TFAP2B: variants seen among roughly 807,000 people sequenced by gnomAD.
The protein encoded by TFAP2B is transcription factor AP-2-beta.
Under a neutral mutation model 44.3 loss-of-function variants are expected in TFAP2B, and 9 were observed. That is an observed-to-expected ratio of 0.20 (90% confidence interval 0.12 to 0.35). The LOEUF is 0.35. TFAP2B is among the 10% of genes least tolerant of loss of function. The probability of loss-of-function intolerance (pLI) is 1.00; values close to 1 mark genes in which losing one functional copy is unlikely to be tolerated. For synonymous variants in TFAP2B, 270 were observed against 263.8 expected, an observed-to-expected ratio of 1.02 and a Z score of -0.23; for missense variants, 509 against 600.0, an observed-to-expected ratio of 0.85 and a Z score of 1.59.
At chr6:50,839,419 C>T (rs972106877) in intron 5 of TFAP2B, among the ~76,000 whole-genome samples, 3 of 152,222 alleles carry the variant, frequency 2.0e-5, no homozygotes, top group African/African-American at 7.2e-5. Flanking sequence ...GGGATCTGTC[C>T]TTGAACCCCA....
intron 2 of TFAP2B, among the ~76,000 whole-genome samples, chr6:50,826,716 CTT>C (rs1322226125): frequency 6.6e-6 from 1 of 152,058 alleles, no homozygotes; most frequent in Non-Finnish European, 1.5e-5. Context: ...ATGTACACCT[CTT>C]TTCTTCTTCC....
At chr6:50,826,155 C>G (rs1190606319) in intron 2 of TFAP2B, among the ~76,000 whole-genome samples, 1 of 152,182 alleles carries the variant, frequency 6.6e-6, no homozygotes, top group African/African-American at 2.4e-5. Context: ...CTACAGCTAT[C>G]GAATGGGTGG....
chr6:50,828,686 A>T lies in TFAP2B; in HGVS notation c.601+7A>T. On this transcript the variant is annotated splice_region_variant and intron_variant, in intron 3 of 6. Coordinates refer to ENST00000393655, the MANE Select transcript of TFAP2B (RefSeq NM_003221.4). ...CAGTCTGTCATTAAAAAAGGTATGGATAATTCCCCCCAAAAAGTAAGCAAA... is the reference window on the plus strand; with the variant it reads ...CAGTCTGTCATTAAAAAAGGTATGGTTAATTCCCCCCAAAAAGTAAGCAAA... The T allele has an allele frequency of 6.2e-7, 1 of 1,614,036 alleles. No individual in the cohort carries two copies. The highest frequency in any genetic ancestry group is 1.3e-5 in the African/African-American group (1 of 75,050).
intron 1 of TFAP2B, among the ~76,000 whole-genome samples, chr6:50,822,587 C>G (rs1017736663): frequency 6.6e-6 from 1 of 152,088 alleles, no homozygotes; most frequent in Non-Finnish European, 1.5e-5. Context: ...AATAAGTTGT[C>G]TGGGCTTTTA....
At chr6:50,842,314 G>C (rs904012444) in intron 6 of TFAP2B, among the ~76,000 whole-genome samples, 1 of 152,228 alleles carries the variant, frequency 6.6e-6, no homozygotes, top group African/African-American at 2.4e-5. Context: ...AAGGCTGGGA[G>C]ATTCCTCTAA....
chr6:50,825,827 C>A (rs1770487359), intron 2 of TFAP2B, among the ~76,000 whole-genome samples: 1 of 152,152 alleles, frequency 6.6e-6, no homozygotes, highest in South Asian at 2.1e-4. Context: ...CATTTCGTCA[C>A]CTGCCGGGAG....
chr6:50,826,889 A>G (rs770494885), intron 2 of TFAP2B, among the ~76,000 whole-genome samples: 14 of 152,174 alleles, frequency 9.2e-5, no homozygotes, highest in African/African-American at 2.9e-4. Flanking sequence ...TCTAGTAATT[A>G]CGAGTCTGAG....
In TFAP2B at chr6:50,830,253, G is replaced by A. The variant is rs1407076189; in HGVS notation, c.601+1574G>A. The A allele has an allele frequency of 1.1e-5, 11 of 973,118 alleles. No individual in the cohort carries two copies. In the East Asian group the frequency reaches 1.3e-3, roughly 111 times the overall value. 60.3% of individuals were successfully genotyped at this position (973,118 alleles called of 1,614,324 possible). A position where few individuals can be genotyped will look rare whatever the true frequency, so the allele number is the denominator to read the frequency against. On this transcript the variant is annotated intron_variant, in intron 3 of 6. Transcript: ENST00000393655. ...CTAGCAACATCATTTGGGCTGGCAG[G>A]GGAACATGCCCAACAGATGACCAAT...
intron 1 of TFAP2B, 80 bp from the exon 2 acceptor site, chr6:50,823,327 C>T (rs1770407160): frequency 1.6e-6 from 2 of 1,246,044 alleles, no homozygotes; most frequent in East Asian, 5.1e-5. Flanking sequence ...CCTCTCTGTA[C>T]TCTCTGTCTC....
Position 50,823,710 on chromosome 6 carries a change from T to C in TFAP2B, c.385T>C (p.Leu129=), listed in dbSNP as rs1383294488. ...GSLLPQPRAA[L]PQLSGLDPRR... ...TCTCCTGCCCCAGCCTCGGGCCGCC[T>C]TGCCCCAGCTCTCGGGCCTTGACCC... Residue 129 remains leucine, a synonymous_variant, in exon 2 of 7, where the codon TTG becomes CTG. Coordinates refer to ENST00000393655, the MANE Select transcript of TFAP2B (RefSeq NM_003221.4). The C allele has an allele frequency of 6.2e-7, 1 of 1,613,228 alleles. No homozygotes were observed. The highest frequency in any genetic ancestry group is 8.5e-7 in the Non-Finnish European group (1 of 1,179,650).
At position 50,843,296 on chromosome 6, in the gene TFAP2B, C is replaced by A; in HGVS notation, c.1287C>A (p.Asp429Glu). The A allele has an allele frequency of 8.7e-6, 14 of 1,614,096 alleles. No homozygotes were observed. The highest frequency in any genetic ancestry group is 1.2e-5 in the Non-Finnish European group (14 of 1,180,044). ...TCACCGAGGCGCTCAAAGGCATGGA[C>A]AAGATGTTCTTGAACAACACCACCA... ...NYLTEALKGMDKMFLNNTTTN... is the reference protein window; with the variant it reads ...NYLTEALKGMEKMFLNNTTTN... The change falls in exon 7 of 7, where the codon GAC becomes GAA. Residue 429 changes from aspartate to glutamate, a missense_variant. By Grantham distance (45) the Asp-to-Glu change is conservative. Around this residue, in one of 3 missense-constraint regions of TFAP2B, gnomAD observed 168 missense variants for 183.2 expected, o/e 0.92. Transcript: ENST00000393655.
At chr6:50,842,666 T>A (rs1042498359) in intron 6 of TFAP2B, among the ~76,000 whole-genome samples, 5 of 152,202 alleles carry the variant, frequency 3.3e-5, no homozygotes, top group Non-Finnish European at 2.9e-5. Flanking sequence ...GGCCTAAATC[T>A]TTCAGGGCTT....
chr6:50,818,863 G>A (rs758043124), upstream of TFAP2B: 9 of 1,610,626 alleles, frequency 5.6e-6, no homozygotes, highest in Non-Finnish European at 7.6e-6. Flanking sequence ...GCGGAGTCCT[G>A]AGAAGCCAGA....
In TFAP2B at chr6:50,846,973, G is replaced by A. The variant is rs1762862811; in HGVS notation, c.*3581G>A. The A allele has an allele frequency of 6.6e-6, 1 of 151,808 alleles. No individual in the cohort carries two copies. Among genetic ancestry groups the A allele is most frequent in the African/African-American group, 2.4e-5 (1 of 41,100 alleles). 9.4% of individuals were successfully genotyped at this position (151,808 alleles called of 1,614,324 possible). ...TATCCTACGAAAACTTTGGTCGAATGGAAAACTCGAAACCTCGAGCTTATC... is the reference window on the plus strand; with the variant it reads ...TATCCTACGAAAACTTTGGTCGAATAGAAAACTCGAAACCTCGAGCTTATC... On this transcript the variant is annotated 3_prime_UTR_variant, in exon 7 of 7. Coordinates refer to ENST00000393655, the MANE Select transcript of TFAP2B (RefSeq NM_003221.4).
intron 1 of TFAP2B, 138 bp downstream of exon 1, chr6:50,819,110 A>G (rs1770252441): frequency 1.6e-5 from 14 of 850,794 alleles, no homozygotes; most frequent in Non-Finnish European, 2.7e-5. Context: ...TTTAACTTTT[A>G]GAAAAGCTGG....
chr6:50,825,671 G>A lies in TFAP2B; in HGVS notation c.540+1806G>A, dbSNP rs372727198. ...AGGATTTAGTGTTTATGTGAACGGA[G>A]CACCTCGGGGCCAAGTTGTTGCTGT... On this transcript the variant is annotated intron_variant, in intron 2 of 6. Transcript: ENST00000393655. 2.0e-5 allele frequency among the ~76,000 whole-genome samples: 3 copies of A among 152,318 alleles called. No homozygotes were observed. In the South Asian group the frequency reaches 6.2e-4, roughly 32 times the overall value.
chr6:50,830,590 G>A (rs1164497228), intron 3 of TFAP2B, among the ~76,000 whole-genome samples: 1 of 152,140 alleles, frequency 6.6e-6, no homozygotes, highest in African/African-American at 2.4e-5. Context: ...TTGATTCAGA[G>A]GGTGTGGTAT....
chr6:50,835,853 CGAAGTAAGTTTCCAGAGGA>C (rs1182602794), intron 3 of TFAP2B, among the ~76,000 whole-genome samples, 189 bp from the exon 4 acceptor site: 2 of 152,186 alleles, frequency 1.3e-5, no homozygotes, highest in Non-Finnish European at 2.9e-5. Flanking sequence ...TGTCTACACA[CGAAGTAAGTTTCCAGAGGA>C]GGTATGGCTT....
chr6:50,822,984 G>T (rs1272918984), intron 1 of TFAP2B, among the ~76,000 whole-genome samples: 1 of 152,120 alleles, frequency 6.6e-6, no homozygotes, highest in Admixed American at 6.5e-5. Context: ...GGAAGAGTTA[G>T]AAAAAAGTAG....
Sources: gnomAD v4.1 joint callset for allele counts (sites outside exome capture counted in the v4.1 genomes callset) on GRCh38, gnomAD v4.1.1 for gene constraint, gnomAD v4.1.1 regional missense constraint, MANE v1.5 for transcripts, NCBI Gene and HGNC (gene_info 2026-07-23, HGNC 2026-07-21) for gene names.